ZNF609: variants seen among roughly 807,000 people sequenced by gnomAD.
ZNF609 encodes the protein zinc finger protein 609.
In ZNF609, 11 loss-of-function variants were observed where a neutral mutation model predicts 109.5. The observed-to-expected ratio is 0.10, with a 90% CI of 0.06 to 0.17. The LOEUF is 0.17. Ranked by LOEUF, ZNF609 falls within the 10% of genes least tolerant of loss-of-function variation. ZNF609 has a pLI of 1.00. For missense variants in ZNF609, 1,559 were observed against 1,772.4 expected (o/e 0.88, Z 2.16); for synonymous variants, 646 against 662.0 (o/e 0.98, Z 0.37).
At chr15:64,643,967 G>A (rs1896296948) in intron 3 of ZNF609, among the ~76,000 whole-genome samples, 1 of 151,896 alleles carries the variant, frequency 6.6e-6, no homozygotes, top group Non-Finnish European at 1.5e-5. Flanking sequence ...AGCTGGACAT[G>A]GTAGTATGTA....
intron 2 of ZNF609, among the ~76,000 whole-genome samples, chr15:64,512,559 C>G (rs1381850570): frequency 6.6e-6 from 1 of 152,150 alleles, no homozygotes; most frequent in Non-Finnish European, 1.5e-5. Context: ...GAGTCTGCTT[C>G]TGGATGCATT....
chr15:64,545,199 T>C (rs1195099718), intron 2 of ZNF609, among the ~76,000 whole-genome samples: 1 of 142,598 alleles, frequency 7.0e-6, no homozygotes. Flanking sequence ...GTATACAGGA[T>C]TTTTTTTTTT....
At chr15:64,659,064 T>C (rs1460798480) in intron 3 of ZNF609, among the ~76,000 whole-genome samples, 1 of 152,192 alleles carries the variant, frequency 6.6e-6, no homozygotes, top group Non-Finnish European at 1.5e-5. Flanking sequence ...AGTTGTGCTT[T>C]TTCGTTTCTC....
At chr15:64,531,832 ATT>A (rs1894068328) in intron 2 of ZNF609, among the ~76,000 whole-genome samples, 1 of 152,104 alleles carries the variant, frequency 6.6e-6, no homozygotes, top group Admixed American at 6.6e-5. Context: ...TAGAAATTCC[ATT>A]CTCTCTCTTT....
At chr15:64,465,605 T>C (rs1311552942) in intron 1 of ZNF609, among the ~76,000 whole-genome samples, 1 of 152,022 alleles carries the variant, frequency 6.6e-6, no homozygotes, top group African/African-American at 2.4e-5. Flanking sequence ...GCTGTAGAGC[T>C]CCTGACCTCA....
chr15:64,570,049 G>C (rs1271650833), intron 2 of ZNF609, among the ~76,000 whole-genome samples: 1 of 152,120 alleles, frequency 6.6e-6, no homozygotes, highest in Admixed American at 6.6e-5. Context: ...AATAGAGATA[G>C]GGGTCTCGCT....
chr15:64,496,689 A>G (rs1893486828), intron 1 of ZNF609, among the ~76,000 whole-genome samples: 1 of 152,194 alleles, frequency 6.6e-6, no homozygotes, highest in South Asian at 2.1e-4. Flanking sequence ...TTTTCTAACA[A>G]ATGAATAGGT....
At chr15:64,573,394 G>A (rs998108078) in intron 2 of ZNF609, among the ~76,000 whole-genome samples, 5 of 110,952 alleles carry the variant, frequency 4.5e-5, no homozygotes, top group South Asian at 3.0e-4. Flanking sequence ...TTGCTCTGTC[G>A]CCCAGGCTGG....
rs35701301 is a variant in ZNF609 at position 64,486,524 on chromosome 15, C to CA, written c.-127-12751dup. Among the ~76,000 whole-genome samples, 408 of 113,042 alleles carry CA rather than the reference C, an allele frequency of 3.6e-3. 2 individuals carry two copies. Among genetic ancestry groups the CA allele is most frequent in the African/African-American group, 0.012 (353 of 30,336 alleles). 74.2% of individuals were successfully genotyped at this position (113,042 alleles called of 152,430 possible). A position where few individuals can be genotyped will look rare whatever the true frequency, so the allele number is the denominator to read the frequency against. ...AGGTGACAGAGTGAGACTCTGTCTCCAAAAAAAAAAAAAAAAAATTGTTTT... is the reference window on the plus strand; with the variant it reads ...AGGTGACAGAGTGAGACTCTGTCTCCAAAAAAAAAAAAAAAAAAATTGTTTT... On this transcript the variant is annotated intron_variant, in intron 1 of 9. Coordinates refer to ENST00000326648, the MANE Select transcript of ZNF609 (RefSeq NM_015042.2).
At chr15:64,614,512 C>A (rs938606073) in intron 2 of ZNF609, among the ~76,000 whole-genome samples, 1 of 151,930 alleles carries the variant, frequency 6.6e-6, no homozygotes, top group East Asian at 1.9e-4. Flanking sequence ...GCATTACAGG[C>A]GTGAGCCACC....
At chr15:64,533,007 G>T (rs1300610948) in intron 2 of ZNF609, among the ~76,000 whole-genome samples, 2 of 151,836 alleles carry the variant, frequency 1.3e-5, no homozygotes, top group Admixed American at 1.3e-4. Context: ...AGTTTTTTTG[G>T]GTCGGGGGTG....
chr15:64,490,442 T>C (rs1893398518), intron 1 of ZNF609, among the ~76,000 whole-genome samples: 1 of 151,990 alleles, frequency 6.6e-6, no homozygotes, highest in Non-Finnish European at 1.5e-5. Context: ...CCTGGCTAGT[T>C]TTTGTATTTT....
chr15:64,639,546 A>G (rs1896224297), intron 3 of ZNF609, among the ~76,000 whole-genome samples: 1 of 152,108 alleles, frequency 6.6e-6, no homozygotes, highest in Non-Finnish European at 1.5e-5. Context: ...CCCTCTTTGC[A>G]TATCTGTGTC....
rs1895831554 is a variant in ZNF609 at position 64,618,375 on chromosome 15, A to G, written c.748-4452A>G. Among the ~76,000 whole-genome samples the G allele has an allele frequency of 2.0e-5, 3 of 152,122 alleles. No individual in the cohort carries two copies. In the South Asian group the frequency reaches 6.2e-4, roughly 31 times the overall value. On this transcript the variant is annotated intron_variant, in intron 2 of 9. Transcript: ENST00000326648. ...TGGGGCTCCAACCCCGGCAGTGTCT[A>G]GGGGTGAATGCTTACATCTGAAGCC...
intron 3 of ZNF609, among the ~76,000 whole-genome samples, chr15:64,646,098 T>A (rs537674633): frequency 2.0e-5 from 3 of 152,286 alleles, no homozygotes; most frequent in African/African-American, 7.2e-5. Flanking sequence ...ATGACAGTAT[T>A]ATTCACAATA....
chr15:64,618,226 A>T (rs922223788), intron 2 of ZNF609, among the ~76,000 whole-genome samples: 2 of 151,966 alleles, frequency 1.3e-5, no homozygotes, highest in African/African-American at 2.4e-5. Context: ...CCGGGACAAA[A>T]CTTTCCTCCT....
rs780733277 is a variant in ZNF609 at position 64,675,910 on chromosome 15, G to A, written c.3056G>A (p.Arg1019Gln). The A allele has an allele frequency of 9.9e-6, 16 of 1,614,102 alleles. No homozygotes were observed. The highest frequency in any genetic ancestry group is 4.0e-5 in the African/African-American group (3 of 74,928). The change falls in exon 5 of 10, where the codon CGG (arginine) becomes CAG (glutamine). Residue 1019 changes from arginine to glutamine, a missense_variant. By Grantham distance (43) the Arg-to-Gln change is conservative. Around this residue, in one of 4 missense-constraint regions of ZNF609, gnomAD observed 1,204 missense variants for 1,314.1 expected, o/e 0.92. Coordinates refer to ENST00000326648, the MANE Select transcript of ZNF609 (RefSeq NM_015042.2). ...QKRQSLEQQQ[R>Q]GVDKKAEMGL... ...CGCCAGAGCTTAGAGCAGCAGCAGC[G>A]GGGAGTGGACAAGAAGGCAGAGATG... is the stretch of plus-strand genomic sequence containing the variant.
At chr15:64,465,279 T>G (rs1892998735) in intron 1 of ZNF609, among the ~76,000 whole-genome samples, 1 of 152,242 alleles carries the variant, frequency 6.6e-6, no homozygotes, top group African/African-American at 2.4e-5. Flanking sequence ...CTGACATGCC[T>G]TACTCAAGTG....
intron 3 of ZNF609, among the ~76,000 whole-genome samples, chr15:64,669,655 A>C (rs1334948473): frequency 6.6e-6 from 1 of 151,940 alleles, no homozygotes; most frequent in Non-Finnish European, 1.5e-5. Flanking sequence ...CCTAGTCAAA[A>C]GCTTTATTTT....
Sources: gnomAD v4.1 joint callset for allele counts (sites outside exome capture counted in the v4.1 genomes callset) on GRCh38, gnomAD v4.1.1 for gene constraint, gnomAD v4.1.1 regional missense constraint, MANE v1.5 for transcripts, NCBI Gene and HGNC (gene_info 2026-07-23, HGNC 2026-07-21) for gene names.